SLC24A1: variants seen among roughly 807,000 people sequenced by gnomAD.
SLC24A1 encodes the protein solute carrier family 24 member 1.
Under a neutral mutation model 88.1 loss-of-function variants are expected in SLC24A1, and 52 were observed. The observed-to-expected ratio is 0.59, with a 90% confidence interval of 0.47 to 0.74. The LOEUF is 0.74. Among genes scored for constraint, SLC24A1 ranks in the 30% least tolerant of loss-of-function variants. SLC24A1 has a pLI of 0.00. For synonymous variants in SLC24A1, 455 were observed against 498.0 expected (o/e 0.91, Z 1.15); for missense variants, 1,173 against 1,363.3 (o/e 0.86, Z 2.20).
chr15:65,619,824 A>C (rs546830452), upstream of SLC24A1, among the ~76,000 whole-genome samples: 1 of 151,878 alleles, frequency 6.6e-6, no homozygotes, highest in South Asian at 2.1e-4. Flanking sequence ...CGTGAGGGTC[A>C]GAGCCAGATC....
chr15:65,657,724 G>A (rs1322077535), downstream of SLC24A1, among the ~76,000 whole-genome samples: 1 of 151,896 alleles, frequency 6.6e-6, no homozygotes, highest in African/African-American at 2.4e-5. Context: ...ACCCTTTTTT[G>A]GTGGGAGGGT....
At chr15:65,659,056 T>C (rs1596366958), downstream of SLC24A1, 1 of 152,046 alleles carries the variant, frequency 6.6e-6, no homozygotes, top group Non-Finnish European at 1.5e-5. Context: ...AGTAGAATAT[T>C]TGAAATACGA....
Position 65,638,157 on chromosome 15 carries a change from G to C in SLC24A1, c.1920G>C (p.Glu640Asp), listed in dbSNP as rs1355046634. 6.2e-7 allele frequency: 1 copy of C among 1,610,536 alleles called. No homozygotes were observed. Among genetic ancestry groups the C allele is most frequent in the Non-Finnish European group, 8.5e-7 (1 of 1,178,336 alleles). The change falls in exon 3 of 10, where the codon GAG becomes GAC. Residue 640 changes from glutamate (E) to aspartate (D), a missense_variant. Physicochemically the swap from Glu to Asp is conservative, Grantham distance 45 (BLOSUM62 2). Coordinates refer to ENST00000261892, the MANE Select transcript of SLC24A1 (RefSeq NM_004727.3). ...GCGATGGGGCCATTGCGGTGGATGA[G>C]CTACAGGATAACAAGAAGCTGAAGG... Reference protein sequence around the residue: ...KPGDGAIAVDELQDNKKLKLP... With the variant: ...KPGDGAIAVDDLQDNKKLKLP...
chr15:65,627,295 T>C (rs1438092870), intron 2 of SLC24A1, among the ~76,000 whole-genome samples: 1 of 152,230 alleles, frequency 6.6e-6, no homozygotes, highest in Non-Finnish European at 1.5e-5. Flanking sequence ...TGAAAGGTCC[T>C]GTCTAACTCT....
At chr15:65,616,313 C>T (rs1201140045) in intron 2 of SLC24A1, among the ~76,000 whole-genome samples, 1 of 152,172 alleles carries the variant, frequency 6.6e-6, no homozygotes, top group Admixed American at 6.6e-5. Context: ...CACTGTCTTC[C>T]ACAATGGTTG....
Position 65,625,407 on chromosome 15 carries a change from G to C in SLC24A1, c.1327G>C (p.Asp443His). 6.2e-7 allele frequency: 1 copy of C among 1,614,056 alleles called. No homozygotes were observed. The change falls in exon 2 of 10, where the codon GAT (aspartate) becomes CAT (histidine). Residue 443 changes from aspartate to histidine, a missense_variant. Asp to His is a moderately conservative substitution (Grantham distance 81). Coordinates refer to ENST00000261892, the MANE Select transcript of SLC24A1 (RefSeq NM_004727.3). ...DLHPKGEYPP[D>H]LFSVEERRQG... ...CCACCCCAAGGGAGAGTACCCCCCA[G>C]ATCTGTTCAGTGTGGAGGAGCGGCG...
chr15:65,655,960 C>T lies in SLC24A1; in HGVS notation c.*1881C>T. The T allele has an allele frequency of 1.0e-6, 1 of 985,118 alleles. No individual in the cohort carries two copies. The highest frequency in any genetic ancestry group is 1.2e-6 in the Non-Finnish European group (1 of 829,728). 61.0% of individuals were successfully genotyped at this position (985,118 alleles called of 1,614,324 possible). The stretch of plus-strand genomic sequence containing the variant: ...AAGAGTATGGAATCATGTTCCAATT[C>T]TATATTCTTAATTATCCTTATTCCT... On this transcript the variant is annotated 3_prime_UTR_variant, in exon 10 of 10. Transcript: ENST00000261892.
At position 65,647,750 on chromosome 15, in the gene SLC24A1, A is replaced by C. The variant is rs550201855; in HGVS notation, c.2232+2047A>C. 1.6e-3 allele frequency among the ~76,000 whole-genome samples: 250 copies of C among 152,306 alleles called. 1 individual carries two copies. Among genetic ancestry groups the C allele is most frequent in the African/African-American group, 5.9e-3 (245 of 41,562 alleles). Reference sequence around the variant, plus strand: ...CATTCTCTACCTGATGGGGGTAGACAGGAGAGGGCAGGAATGATTTCAGAC... The same window carrying C: ...CATTCTCTACCTGATGGGGGTAGACCGGAGAGGGCAGGAATGATTTCAGAC... On this transcript the variant is annotated intron_variant, in intron 6 of 9. Transcript: ENST00000261892.
chr15:65,613,715 AT>A, intron 2 of SLC24A1, among the ~76,000 whole-genome samples: 1 of 152,044 alleles, frequency 6.6e-6, no homozygotes, highest in African/African-American at 2.4e-5. Context: ...TGAACTCCTG[AT>A]TTCAAGCGAT....
At chr15:65,618,265 TATAAC>T (rs1229624933), upstream of SLC24A1, among the ~76,000 whole-genome samples, 2 of 152,308 alleles carry the variant, frequency 1.3e-5, no homozygotes, top group Admixed American at 6.5e-5. Context: ...GACTATATGA[TATAAC>T]ATATATAATA....
chr15:65,651,633 A>G, intron 7 of SLC24A1, 37 bp from the exon 8 acceptor site: 1 of 1,117,546 alleles, frequency 8.9e-7, no homozygotes, highest in Non-Finnish European at 1.4e-6. Context: ...TTTAACCTCT[A>G]CAGCTTACTT....
Position 65,650,611 on chromosome 15 carries a change from T to C in SLC24A1, c.2462T>C (p.Met821Thr). ...GAAATCCACGCAGAAGATGGTGAAA[T>C]GAAAGGTAATGAAGGTGAAACTGAA... The part of the protein sequence containing the change: ...EGEIHAEDGE[M>T]KGNEGETESQ... The change falls in exon 7 of 10, where the codon ATG (methionine) becomes ACG (threonine). Residue 821 changes from methionine to threonine, a missense_variant. By Grantham distance (81) the Met-to-Thr change is moderately conservative. Transcript: ENST00000261892. The surrounding 1 kb of genome is among the most constrained non-coding windows in gnomAD (Gnocchi z 4.1). The C allele has an allele frequency of 1.9e-6, 3 of 1,550,468 alleles. No individual in the cohort carries two copies. The highest frequency in any genetic ancestry group is 1.2e-5 in the South Asian group (1 of 83,898).
chr15:65,641,487 A>C (rs888033204), intron 4 of SLC24A1, among the ~76,000 whole-genome samples: 8 of 152,220 alleles, frequency 5.3e-5, no homozygotes, highest in African/African-American at 1.9e-4. Flanking sequence ...GAAAGGGAGA[A>C]AAAAATTAAT....
rs2075232117 is a variant in SLC24A1 at position 65,644,342 on chromosome 15, G to T, written c.2054-85G>T. ...CACACTCTGCAGCTGCCCTCTGGCTGCTCAGCTGACTGTCCTAACTGAAAG... is the reference window on the plus strand; with the variant it reads ...CACACTCTGCAGCTGCCCTCTGGCTTCTCAGCTGACTGTCCTAACTGAAAG... On this transcript the variant is annotated intron_variant, in intron 4 of 9. Coordinates refer to ENST00000261892, the MANE Select transcript of SLC24A1 (RefSeq NM_004727.3). 3 of 934,100 alleles carry T rather than the reference G, an allele frequency of 3.2e-6. No homozygotes were observed. In the African/African-American group the frequency reaches 4.9e-5, roughly 15 times the overall value. The allele number at this position is 934,100 out of a possible 1,614,324, so 57.9% of individuals were successfully genotyped here.
At position 65,624,724 on chromosome 15, in the gene SLC24A1, C is replaced by A. The variant is rs1197432042; in HGVS notation, c.644C>A (p.Thr215Asn). The change falls in exon 2 of 10, where the codon ACC becomes AAC. Residue 215 changes from threonine (T) to asparagine (N), a missense_variant. Physicochemically the swap from Thr to Asn is moderately conservative, Grantham distance 65. Coordinates refer to ENST00000261892, the MANE Select transcript of SLC24A1 (RefSeq NM_004727.3). Reference protein sequence around the residue: ...FMTMETSHAITPRTTVKDSDI... With the variant: ...FMTMETSHAINPRTTVKDSDI... ...ACAATGGAAACAAGCCATGCGATCA[C>A]CCCCAGGACAACAGTGAAAGACAGT... 1 of 1,612,212 alleles carries A rather than the reference C, an allele frequency of 6.2e-7. No individual in the cohort carries two copies. The highest frequency in any genetic ancestry group is 8.5e-7 in the Non-Finnish European group (1 of 1,179,066).
downstream of SLC24A1, among the ~76,000 whole-genome samples, chr15:65,657,564 AC>A (rs1313034798): frequency 2.0e-5 from 3 of 151,800 alleles, no homozygotes; most frequent in East Asian, 1.9e-4. Flanking sequence ...AATGGCGTGA[AC>A]CCCGGGGGGC....
At chr15:65,634,466 G>A (rs919246098) in intron 2 of SLC24A1, among the ~76,000 whole-genome samples, 1 of 152,128 alleles carries the variant, frequency 6.6e-6, no homozygotes, top group Admixed American at 6.5e-5. Flanking sequence ...AAGAAGGTGG[G>A]GGTAACTGGG....
chr15:65,654,653 A>C lies in SLC24A1; in HGVS notation c.*574A>C. 1 of 1,272,132 alleles carries C rather than the reference A, an allele frequency of 7.9e-7. No individual in the cohort carries two copies. Among genetic ancestry groups the C allele is most frequent in the South Asian group, 1.3e-5 (1 of 78,096 alleles). 78.8% of individuals were successfully genotyped at this position (1,272,132 alleles called of 1,614,324 possible). A position where few individuals can be genotyped will look rare whatever the true frequency, so the allele number is the denominator to read the frequency against. On this transcript the variant is annotated 3_prime_UTR_variant, in exon 10 of 10. Coordinates refer to ENST00000261892, the MANE Select transcript of SLC24A1 (RefSeq NM_004727.3). Reference sequence around the variant, plus strand: ...AAAAAAAAGAAATATAACAGGAATTAATGATCATTCCACGTTTTGTAGCCC... The same window carrying C: ...AAAAAAAAGAAATATAACAGGAATTCATGATCATTCCACGTTTTGTAGCCC...
intron 5 of SLC24A1, among the ~76,000 whole-genome samples, chr15:65,645,376 G>A (rs542386278): frequency 2.1e-4 from 32 of 152,358 alleles, no homozygotes; most frequent in African/African-American, 7.2e-4. Flanking sequence ...GGATATGTCT[G>A]TGAATTATAG....
Sources: gnomAD v4.1 joint callset for allele counts (sites outside exome capture counted in the v4.1 genomes callset) on GRCh38, gnomAD v4.1.1 for gene constraint, Gnocchi (gnomAD v3.1) non-coding constraint, MANE v1.5 for transcripts, NCBI Gene and HGNC (gene_info 2026-07-23, HGNC 2026-07-21) for gene names.